Variants in GOLGA2 observed in about 807,000 individuals in gnomAD.
GOLGA2 encodes golgin A2, also known as golgin subfamily A member 2.
A neutral mutation model predicts 148.8 loss-of-function variants in GOLGA2; 49 were observed. The ratio of observed to expected loss-of-function variants is 0.33; its 90% CI spans 0.26 to 0.42. GOLGA2 has a LOEUF of 0.42. Among genes scored for constraint, GOLGA2 ranks in the 10% least tolerant of loss-of-function variants. GOLGA2 has a pLI of 1.00. For synonymous variants in GOLGA2, 501 were observed against 511.8 expected, an observed-to-expected ratio of 0.98 and a Z score of 0.28; for missense variants, 1,178 against 1,304.6, an observed-to-expected ratio of 0.90 and a Z score of 1.49.
Position 128,258,512 on chromosome 9 carries a change from C to T in GOLGA2, c.2232G>A (p.Val744=). ...EDEEEEEEEA[V]AVPQPMPSIP... ...TGCTTGGCATGGGCTGAGGTACTGC[C>T]ACCGCCTCCTCCTCCTCCTCCTCCT... Residue 744 remains valine, a synonymous_variant, in exon 22 of 27, where the codon GTG becomes GTA. Coordinates refer to ENST00000611957, the MANE Select transcript of GOLGA2 (RefSeq NM_001366244.2). This position sits in a 1 kb window ranked among gnomAD's most constrained non-coding sequence, Gnocchi z 6.6. The T allele has an allele frequency of 6.3e-7, 1 of 1,591,946 alleles. No individual in the cohort carries two copies. Among genetic ancestry groups the T allele is most frequent in the Non-Finnish European group, 8.5e-7 (1 of 1,176,074 alleles).
chr9:128,267,236 G>A lies in GOLGA2; in HGVS notation c.600C>T (p.Ser200=). Residue 200 remains serine (S), a synonymous_variant, in exon 8 of 27, where the codon AGC becomes AGT. Coordinates refer to ENST00000611957, the MANE Select transcript of GOLGA2 (RefSeq NM_001366244.2). The part of the protein sequence containing the change: ...YQQLAVALDS[S]YVTNKQLNIT... ...TATTGAGTTGTTTGTTTGTTACATA[G>A]CTGGAGTCCAGGGCTACCGCTAGCT... is the stretch of plus-strand genomic sequence containing the variant. 1 of 1,611,024 alleles carries A rather than the reference G, an allele frequency of 6.2e-7. No homozygotes were observed. Among genetic ancestry groups the A allele is most frequent in the Non-Finnish European group, 8.5e-7 (1 of 1,177,208 alleles).
At position 128,258,730 on chromosome 9, in the gene GOLGA2, G is replaced by A; in HGVS notation, c.2174-160C>T. ...TTTTATTCTTTTTTAAGAGCCAAGG[G>A]CTCGCTATGCTGCCCAGGTGCAGTC... On this transcript the variant is annotated intron_variant, in intron 21 of 26. Transcript: ENST00000611957. The surrounding 1 kb of genome is among the most constrained non-coding windows in gnomAD (Gnocchi z 6.6). 1 of 632,570 alleles carries A rather than the reference G, an allele frequency of 1.6e-6. No individual in the cohort carries two copies. The highest frequency in any genetic ancestry group is 2.9e-5 in the Admixed American group (1 of 34,022). 39.2% of individuals were successfully genotyped at this position (632,570 alleles called of 1,614,324 possible).
intron 1 of GOLGA2, chr9:128,275,394 G>A: frequency 3.9e-6 from 5 of 1,286,002 alleles, no homozygotes; most frequent in Non-Finnish European, 4.0e-6. Flanking sequence ...CGACGTCCAA[G>A]TCGCCGCTCC....
rs200339963 is a variant in GOLGA2 at position 128,261,381 on chromosome 9, C to T, written c.1332+73G>A. Reference sequence around the variant, plus strand: ...ATGACCACCTCTGGCTGTGCTCCTCCCATTTCGCAGATGCCCAGAAAGATC... The same window carrying T: ...ATGACCACCTCTGGCTGTGCTCCTCTCATTTCGCAGATGCCCAGAAAGATC... On this transcript the variant is annotated intron_variant, in intron 16 of 26. Coordinates refer to ENST00000611957, the MANE Select transcript of GOLGA2 (RefSeq NM_001366244.2). This position sits in a 1 kb window ranked among gnomAD's most constrained non-coding sequence, Gnocchi z 5.7. 15 of 1,219,472 alleles carry T rather than the reference C, an allele frequency of 1.2e-5. No homozygotes were observed. The East Asian group carries it at 2.6e-4, about 21-fold the overall frequency. 75.5% of individuals were successfully genotyped at this position (1,219,472 alleles called of 1,614,324 possible). A position where few individuals can be genotyped will look rare whatever the true frequency, so the allele number is the denominator to read the frequency against.
chr9:128,269,522 T>C (rs551644706), intron 3 of GOLGA2, among the ~76,000 whole-genome samples: 12 of 152,276 alleles, frequency 7.9e-5, no homozygotes, highest in Admixed American at 7.8e-4. Flanking sequence ...ATTCAGAACT[T>C]GGGGTCATGT....
Position 128,261,550 on chromosome 9 carries a change from C to T in GOLGA2, c.1236G>A (p.Ser412=), listed in dbSNP as rs143284125. ...LEAHLGQVME[S]VRQLQMERDK... The stretch of plus-strand genomic sequence containing the variant: ...CTCTCTCCATTTGTAGTTGTCTAAC[C>T]GACTCCATTACCTGCAAGAATGGCC... The change falls in exon 16 of 27, where the codon TCG becomes TCA. Residue 412 remains serine (S), a synonymous_variant. Coordinates refer to ENST00000611957, the MANE Select transcript of GOLGA2 (RefSeq NM_001366244.2). This position sits in a 1 kb window ranked among gnomAD's most constrained non-coding sequence, Gnocchi z 5.7. 34 of 1,600,294 alleles carry T rather than the reference C, an allele frequency of 2.1e-5. No homozygotes were observed. Among genetic ancestry groups the T allele is most frequent in the Non-Finnish European group, 2.5e-5 (29 of 1,167,358 alleles).
rs370741820 is a variant in GOLGA2, at chr9:128,260,967, G to A, written c.1421-165C>T. On this transcript the variant is annotated intron_variant, in intron 17 of 26. Transcript: ENST00000611957. The surrounding 1 kb of genome is among the most constrained non-coding windows in gnomAD (Gnocchi z 4.8). ...CCACTTTCCGATAGCGACAACTGTG[G>A]GTGGCTGACAACGGGCACTCCTTCG... 76 of 667,000 alleles carry A rather than the reference G, an allele frequency of 1.1e-4. No individual in the cohort carries two copies. Among genetic ancestry groups the A allele is most frequent in the Middle Eastern group, 1.1e-3 (3 of 2,702 alleles). The allele number at this position is 667,000 out of a possible 1,614,324, so 41.3% of individuals were successfully genotyped here.
At chr9:128,274,536 C>T (rs1044938863) in intron 1 of GOLGA2, among the ~76,000 whole-genome samples, 12 of 152,118 alleles carry the variant, frequency 7.9e-5, no homozygotes, top group Admixed American at 5.2e-4. Flanking sequence ...AAAATGTGGG[C>T]CGGAACATTA....
chr9:128,275,535 C>A, intron 1 of GOLGA2: 1 of 1,279,954 alleles, frequency 7.8e-7, no homozygotes, highest in Non-Finnish European at 1.0e-6. Context: ...CCGGGAGTCA[C>A]GGGCCCAAAG....
rs200191287 is a variant in GOLGA2, at chr9:128,275,924, C to G, written c.53G>C (p.Arg18Pro). 1.3e-6 allele frequency: 2 copies of G among 1,588,634 alleles called. No individual in the cohort carries two copies. The highest frequency in any genetic ancestry group is 1.7e-6 in the Non-Finnish European group (2 of 1,167,700). ...PPRPAMSEETRQSKLAAAKKK... is the reference protein window; with the variant it reads ...PPRPAMSEETPQSKLAAAKKK... ...CTTCGCTGCGGCCAATTTGCTCTGT[C>G]GGGTTTCTTCCGACATCGCGGGGCG... is the stretch of plus-strand genomic sequence containing the variant. The change falls in exon 1 of 27, where the codon CGA (arginine) becomes CCA (proline). Residue 18 changes from arginine to proline, a missense_variant. This residue lies in a region of GOLGA2 where 158 missense variants were observed against 156.6 expected (regional missense o/e 1.01). Transcript: ENST00000611957.
At position 128,261,744 on chromosome 9, in the gene GOLGA2, C is replaced by T; in HGVS notation, c.1148G>A (p.Cys383Tyr). The T allele has an allele frequency of 1.2e-6, 2 of 1,612,302 alleles. No homozygotes were observed. Among genetic ancestry groups the T allele is most frequent in the Non-Finnish European group, 1.7e-6 (2 of 1,178,300 alleles). Residue 383 changes from cysteine to tyrosine, a missense_variant, in exon 15 of 27, where the codon TGT (cysteine) becomes TAT (tyrosine). Cys to Tyr is a radical substitution (Grantham distance 194). Coordinates refer to ENST00000611957, the MANE Select transcript of GOLGA2 (RefSeq NM_001366244.2). The surrounding 1 kb of genome is among the most constrained non-coding windows in gnomAD (Gnocchi z 5.7). Reference protein sequence around the residue: ...ELLLQQFSSRCEAPDANQQLQ... With the variant: ...ELLLQQFSSRYEAPDANQQLQ... The stretch of plus-strand genomic sequence containing the variant: ...CTGCTGGTTAGCATCAGGGGCTTCA[C>T]ACCGGCTTGAAAACTGGATGGTGAA...
chr9:128,264,002 A>G (rs1373693548), intron 12 of GOLGA2, among the ~76,000 whole-genome samples: 1 of 149,480 alleles, frequency 6.7e-6, no homozygotes, highest in African/African-American at 2.4e-5. Context: ...TAAAAAAAAA[A>G]AAAATACAAA....
rs775471178 is a variant in GOLGA2, at chr9:128,266,258, G to A, written c.681+29C>T. 5.0e-6 allele frequency: 8 copies of A among 1,593,988 alleles called. No homozygotes were observed. The highest frequency in any genetic ancestry group is 6.9e-6 in the Non-Finnish European group (8 of 1,161,992). ...AATGCCCCCCAAACCCAGCAGTCAT[G>A]TTGTGAGCAAACAAAGAAATCACGT... On this transcript the variant is annotated intron_variant, in intron 9 of 26. Transcript: ENST00000611957. This position sits in a 1 kb window ranked among gnomAD's most constrained non-coding sequence, Gnocchi z 4.2.
Position 128,256,267 on chromosome 9 carries a change from A to G in GOLGA2, c.*800T>C, listed in dbSNP as rs1011106877. On this transcript the variant is annotated 3_prime_UTR_variant, in exon 27 of 27. Transcript: ENST00000611957. ...TATGAGCCTCTGGCTATTAAATAAC[A>G]ATCATCATCATCCAGAAATTTAAGG... 6.6e-6 allele frequency: 1 copy of G among 152,226 alleles called. No homozygotes were observed. The highest frequency in any genetic ancestry group is 2.4e-5 in the African/African-American group (1 of 41,436). 9.4% of individuals were successfully genotyped at this position (152,226 alleles called of 1,614,324 possible). A position where few individuals can be genotyped will look rare whatever the true frequency, so the allele number is the denominator to read the frequency against.
chr9:128,273,912 T>C lies in GOLGA2; in HGVS notation c.145A>G (p.Lys49Glu), dbSNP rs756240075. ...TCAGGGTTACTGCCATTTTTTATTTTCTTCTTCTTTTTCGCTCCTGTAGGA... is the reference window on the plus strand; with the variant it reads ...TCAGGGTTACTGCCATTTTTTATTTCCTTCTTCTTTTTCGCTCCTGTAGGA... ...GVPTGAKKKK[K>E]IKNGSNPETT... Residue 49 changes from lysine to glutamate, a missense_variant, in exon 2 of 27, where the codon AAA (lysine) becomes GAA (glutamate). Lys to Glu is a moderately conservative substitution (Grantham distance 56, BLOSUM62 1). Transcript: ENST00000611957. The C allele has an allele frequency of 1.4e-5, 23 of 1,613,868 alleles. No homozygotes were observed. The South Asian group carries it at 2.5e-4, about 18-fold the overall frequency.
chr9:128,266,080 A>G lies in GOLGA2; in HGVS notation c.682-60T>C. 6.8e-7 allele frequency: 1 copy of G among 1,472,852 alleles called. No individual in the cohort carries two copies. The highest frequency in any genetic ancestry group is 9.5e-7 in the Non-Finnish European group (1 of 1,051,464). 91.2% of individuals were successfully genotyped at this position (1,472,852 alleles called of 1,614,324 possible). The stretch of plus-strand genomic sequence containing the variant: ...GGAGGCAGAGACGGCACAGCAAGGG[A>G]CATGCCCCCAGAATGCCACCAATGT... On this transcript the variant is annotated intron_variant, in intron 9 of 26. Coordinates refer to ENST00000611957, the MANE Select transcript of GOLGA2 (RefSeq NM_001366244.2). This position sits in a 1 kb window ranked among gnomAD's most constrained non-coding sequence, Gnocchi z 4.2.
At chr9:128,264,600 G>C (rs753626178) in intron 12 of GOLGA2, among the ~76,000 whole-genome samples, 2 of 151,424 alleles carry the variant, frequency 1.3e-5, no homozygotes, top group Admixed American at 6.6e-5. Context: ...CTAATTTTTT[G>C]CATTTTTAGT....
At chr9:128,263,012 A>G in intron 13 of GOLGA2, 22 bp downstream of exon 13, 1 of 1,523,884 alleles carries the variant, frequency 6.6e-7, no homozygotes, top group Non-Finnish European at 9.0e-7. Flanking sequence ...CAGACCTCCC[A>G]TCCCACCATC....
Position 128,257,493 on chromosome 9 carries a change from TAA to T in GOLGA2, c.2749_2750del (p.Leu917ThrfsTer22), listed in dbSNP as rs779750031. 1 of 1,613,850 alleles carries T rather than the reference TAA, an allele frequency of 6.2e-7. No individual in the cohort carries two copies. The highest frequency in any genetic ancestry group is 1.1e-5 in the South Asian group (1 of 91,060). ...VKLLELQELV[L>X]RLVGDRNEWH... The stretch of plus-strand genomic sequence containing the variant: ...ACTCGTTGCGGTCGCCCACAAGCCG[TAA>T]GACCAGCTCCTGCAGCTCCAGCAGC... On this transcript the variant is annotated frameshift_variant, in exon 26 of 27. Transcript: ENST00000611957. LOFTEE classifies it high-confidence loss of function. This position sits in a 1 kb window ranked among gnomAD's most constrained non-coding sequence, Gnocchi z 8.0.
Sources: allele counts gnomAD v4.1 joint callset (sites outside exome capture counted in the v4.1 genomes callset), GRCh38; gene constraint gnomAD v4.1.1; regional missense constraint gnomAD v4.1.1; non-coding constraint Gnocchi (gnomAD v3.1); transcripts MANE v1.5; gene names NCBI Gene and HGNC (gene_info 2026-07-23, HGNC 2026-07-21).